The following ST6GALNAC5 variants were observed in gnomAD, a reference collection of about 807,000 sequenced individuals.
The protein encoded by ST6GALNAC5 is ST6 N-acetylgalactosaminide alpha-2,6-sialyltransferase 5.
A neutral mutation model predicts 33.6 loss-of-function variants in ST6GALNAC5; 27 were observed. The observed-to-expected ratio is 0.80, with a 90% confidence interval of 0.59 to 1.11. The LOEUF (loss-of-function observed/expected upper bound fraction) is 1.11, where lower values mean the gene tolerates loss of function less well. ST6GALNAC5 is among the 50% of genes least tolerant of loss of function. The pLI is 0.00. For synonymous variants in ST6GALNAC5, 194 were observed against 171.2 expected, an observed-to-expected ratio of 1.13 and a Z score of -1.04; for missense variants, 428 against 454.0, an observed-to-expected ratio of 0.94 and a Z score of 0.52.
chr1:76,871,375 A>G (rs1454686548), intron 2 of ST6GALNAC5: 1 of 152,230 alleles, frequency 6.6e-6, no homozygotes, highest in Non-Finnish European at 1.5e-5. Context: ...ATTGTTTTAC[A>G]TAGTCTGGAG....
chr1:77,032,644 G>A (rs1477934076), intron 2 of ST6GALNAC5, among the ~76,000 whole-genome samples: 1 of 152,036 alleles, frequency 6.6e-6, no homozygotes, highest in Non-Finnish European at 1.5e-5. Context: ...GAGACTGAGA[G>A]TAGGGAAGTA....
intron 2 of ST6GALNAC5, among the ~76,000 whole-genome samples, chr1:76,877,457 C>T (rs1333191430): frequency 6.6e-6 from 1 of 152,120 alleles, no homozygotes; most frequent in Non-Finnish European, 1.5e-5. Flanking sequence ...TGTGTTGCCT[C>T]CAAAATCTAA....
chr1:76,870,448 T>C (rs1653474162), intron 2 of ST6GALNAC5, among the ~76,000 whole-genome samples: 1 of 152,244 alleles, frequency 6.6e-6, no homozygotes, highest in Non-Finnish European at 1.5e-5. Context: ...AGATTTCTAA[T>C]ACTTTTCTTC....
rs543581272 is a variant in ST6GALNAC5, at chr1:76,960,882, G to A, written c.262-83322G>A. Among the ~76,000 whole-genome samples, 27 of 152,152 alleles carry A rather than the reference G, an allele frequency of 1.8e-4. 1 individual carries two copies. The highest frequency in any genetic ancestry group is 1.4e-3 in the East Asian group (7 of 5,160). On this transcript the variant is annotated intron_variant, in intron 2 of 4. Coordinates refer to ENST00000477717, the MANE Select transcript of ST6GALNAC5 (RefSeq NM_030965.3). ...CCCAGATTTCATATTGTTCAAACAC[G>A]CATGCTCTACAAACAATTTGTGCAG...
At chr1:77,034,447 A>G (rs1651578399) in intron 2 of ST6GALNAC5, among the ~76,000 whole-genome samples, 1 of 152,124 alleles carries the variant, frequency 6.6e-6, no homozygotes, top group Admixed American at 6.5e-5. Context: ...TCTAGATAAG[A>G]TCATATTCAC....
intron 1 of ST6GALNAC5, 61 bp downstream of exon 1, chr1:76,867,751 G>A (rs1454955370): frequency 2.5e-6 from 4 of 1,613,378 alleles, no homozygotes; most frequent in Non-Finnish European, 3.4e-6. Context: ...CAGGGTCCAC[G>A]GGACGCACCG....
intron 2 of ST6GALNAC5, among the ~76,000 whole-genome samples, chr1:76,895,292 G>T (rs1206626356): frequency 1.1e-4 from 16 of 151,924 alleles, no homozygotes; most frequent in South Asian, 6.2e-4. Flanking sequence ...TGAAAATTTT[G>T]GGGGGGTGAT....
In ST6GALNAC5 at chr1:77,063,487, G is replaced by A; in HGVS notation, c.*281G>A. ...ACACCACTATGACTAAAAACAGTTT[G>A]GATCTCTTAGTATTGCCTTTGAAAC... On this transcript the variant is annotated 3_prime_UTR_variant, in exon 5 of 5. Transcript: ENST00000477717. The A allele has an allele frequency of 2.4e-6, 1 of 411,098 alleles. No individual in the cohort carries two copies. Among genetic ancestry groups the A allele is most frequent in the South Asian group, 3.3e-5 (1 of 30,552 alleles). The allele number at this position is 411,098 out of a possible 1,614,324, so 25.5% of individuals were successfully genotyped here.
chr1:77,056,353 G>T (rs1652398356), intron 4 of ST6GALNAC5, among the ~76,000 whole-genome samples: 1 of 151,968 alleles, frequency 6.6e-6, no homozygotes, highest in Non-Finnish European at 1.5e-5. Flanking sequence ...GATAATAATG[G>T]GCCAAGCATT....
chr1:76,972,709 C>A (rs1648813392), intron 2 of ST6GALNAC5, among the ~76,000 whole-genome samples: 1 of 152,070 alleles, frequency 6.6e-6, no homozygotes, highest in Non-Finnish European at 1.5e-5. Context: ...GCTGAGTCTA[C>A]AAGCAGGTGC....
rs903277820 is a variant in ST6GALNAC5 at position 77,067,399 on chromosome 1, T to C, written c.*4193T>C. On this transcript the variant is annotated 3_prime_UTR_variant, in exon 5 of 5. Coordinates refer to ENST00000477717, the MANE Select transcript of ST6GALNAC5 (RefSeq NM_030965.3). ...TACCTTGAATTGTGCTTCGTCTTTT[T>C]ATGCATGTGTCCTGTTAGTCTAATT... Among the ~76,000 whole-genome samples the C allele has an allele frequency of 6.6e-6, 1 of 152,190 alleles. No individual in the cohort carries two copies. The highest frequency in any genetic ancestry group is 2.4e-5 in the African/African-American group (1 of 41,452).
intron 2 of ST6GALNAC5, among the ~76,000 whole-genome samples, chr1:77,021,756 C>T (rs561472543): frequency 9.2e-5 from 14 of 152,278 alleles, no homozygotes; most frequent in African/African-American, 3.4e-4. Context: ...ATCCCATCTC[C>T]CTCTCCAATA....
chr1:76,969,740 C>G (rs113734552), intron 2 of ST6GALNAC5, among the ~76,000 whole-genome samples: 1 of 152,104 alleles, frequency 6.6e-6, no homozygotes, highest in Non-Finnish European at 1.5e-5. Context: ...GGTCCCTGAC[C>G]CCCGTGTAGC....
intron 2 of ST6GALNAC5, among the ~76,000 whole-genome samples, chr1:76,874,855 C>T (rs1179719164): frequency 1.3e-5 from 2 of 152,150 alleles, no homozygotes; most frequent in Non-Finnish European, 2.9e-5. Flanking sequence ...TGAACCCAAA[C>T]ACATCTCCTG....
intron 2 of ST6GALNAC5, among the ~76,000 whole-genome samples, chr1:76,893,951 G>A (rs572683405): frequency 9.2e-5 from 14 of 152,274 alleles, no homozygotes; most frequent in Non-Finnish European, 1.3e-4. Context: ...GAGCCACCGC[G>A]CCCAGCCTAG....
chr1:77,004,179 C>G (rs1168505954), intron 2 of ST6GALNAC5, among the ~76,000 whole-genome samples: 1 of 151,810 alleles, frequency 6.6e-6, no homozygotes, highest in African/African-American at 2.4e-5. Flanking sequence ...TTCTTGGAGG[C>G]TTTTCTCATT....
intron 2 of ST6GALNAC5, among the ~76,000 whole-genome samples, chr1:76,957,123 A>T (rs1341318807): frequency 6.6e-6 from 1 of 152,188 alleles, no homozygotes; most frequent in Non-Finnish European, 1.5e-5. Flanking sequence ...ATAACAAATT[A>T]CCACAGACTG....
In ST6GALNAC5 at chr1:76,999,995, G is replaced by A. The variant is rs772033312; in HGVS notation, c.262-44209G>A. Reference sequence around the variant, plus strand: ...TAGCAGCATGATTTATAGTCCTTTGGGTATATACCCAGTAATGGGATGGCT... The same window carrying A: ...TAGCAGCATGATTTATAGTCCTTTGAGTATATACCCAGTAATGGGATGGCT... On this transcript the variant is annotated intron_variant, in intron 2 of 4. Coordinates refer to ENST00000477717, the MANE Select transcript of ST6GALNAC5 (RefSeq NM_030965.3). Among the ~76,000 whole-genome samples the A allele has an allele frequency of 2.2e-4, 22 of 98,058 alleles. 2 individuals carry two copies. The Middle Eastern group carries it at 0.013, about 58-fold the overall frequency. The allele number at this position is 98,058 out of a possible 152,430, so 64.3% of individuals were successfully genotyped here. A position where few individuals can be genotyped will look rare whatever the true frequency, so the allele number is the denominator to read the frequency against.
chr1:77,008,944 G>T (rs1650527988), intron 2 of ST6GALNAC5, among the ~76,000 whole-genome samples: 1 of 152,184 alleles, frequency 6.6e-6, no homozygotes, highest in African/African-American at 2.4e-5. Flanking sequence ...GTTACTCTTT[G>T]AACCACCCTA....
Sources: allele counts gnomAD v4.1 joint callset (sites outside exome capture counted in the v4.1 genomes callset), GRCh38; gene constraint gnomAD v4.1.1; transcripts MANE v1.5; gene names NCBI Gene and HGNC (gene_info 2026-07-23, HGNC 2026-07-21).